The following CNTNAP2 variants were observed in gnomAD, a reference collection of about 807,000 sequenced individuals.
CNTNAP2 encodes the protein contactin associated protein 2.
In CNTNAP2, 98 loss-of-function variants were observed where a neutral mutation model predicts 155.2. That is an observed-to-expected ratio of 0.63 (90% confidence interval 0.54 to 0.75). The LOEUF (loss-of-function observed/expected upper bound fraction) is 0.75, where lower values mean the gene tolerates loss of function less well. CNTNAP2 is among the 30% of genes least tolerant of loss of function. The pLI is 0.00. For missense variants in CNTNAP2, 1,727 were observed against 1,688.1 expected (o/e 1.02, Z -0.40); for synonymous variants, 651 against 631.2 (o/e 1.03, Z -0.47).
intron 13 of CNTNAP2, among the ~76,000 whole-genome samples, chr7:147,722,999 C>G (rs1796587287): frequency 6.6e-6 from 1 of 152,048 alleles, no homozygotes; most frequent in Non-Finnish European, 1.5e-5. Context: ...AGATTTCTAG[C>G]TCTAGAGAGA....
At chr7:147,416,228 G>A (rs1039466777) in intron 10 of CNTNAP2, among the ~76,000 whole-genome samples, 6 of 152,054 alleles carry the variant, frequency 3.9e-5, no homozygotes, top group African/African-American at 9.7e-5. Flanking sequence ...GTGGCCACAG[G>A]GACTATTTCA....
At chr7:147,391,387 A>G (rs908723814) in intron 9 of CNTNAP2, among the ~76,000 whole-genome samples, 3 of 151,966 alleles carry the variant, frequency 2.0e-5, no homozygotes, top group Admixed American at 6.6e-5. Context: ...GAGGTTGTCT[A>G]TGTTTACAGC....
In CNTNAP2 at chr7:147,029,935, T is replaced by C. The variant is rs545811256; in HGVS notation, c.403-13972T>C. On this transcript the variant is annotated intron_variant, in intron 3 of 23. Coordinates refer to ENST00000361727, the MANE Select transcript of CNTNAP2 (RefSeq NM_014141.6). ...TTATAAAAAGCTCTTGGTTCCACAT[T>C]CAGAAAAATATTTTATCCCAAGTAC... Among the ~76,000 whole-genome samples the C allele has an allele frequency of 2.4e-3, 360 of 152,336 alleles. 3 individuals carry two copies. Among genetic ancestry groups the C allele is most frequent in the African/African-American group, 7.7e-3 (322 of 41,572 alleles).
chr7:147,426,002 C>T (rs1206018277), intron 10 of CNTNAP2, among the ~76,000 whole-genome samples: 2 of 152,060 alleles, frequency 1.3e-5, no homozygotes, highest in African/African-American at 2.4e-5. Flanking sequence ...AGTTCTATGT[C>T]ATTTCCCATG....
chr7:146,355,949 T>C (rs1195791767), intron 1 of CNTNAP2, among the ~76,000 whole-genome samples: 1 of 152,028 alleles, frequency 6.6e-6, no homozygotes, highest in Non-Finnish European at 1.5e-5. Context: ...TTCTTACACA[T>C]ACAGCTTCTC....
At chr7:146,754,558 C>G (rs1010884654) in intron 1 of CNTNAP2, among the ~76,000 whole-genome samples, 30 of 141,982 alleles carry the variant, frequency 2.1e-4, no homozygotes, top group African/African-American at 7.3e-4. Flanking sequence ...CTCTCTGTCT[C>G]TCTCTCTCTC....
intron 8 of CNTNAP2, among the ~76,000 whole-genome samples, chr7:147,298,703 C>T (rs1243749104): frequency 6.6e-6 from 1 of 152,206 alleles, no homozygotes; most frequent in Non-Finnish European, 1.5e-5. Context: ...TCCAGTGCAG[C>T]TGACTCTTGA....
At chr7:146,210,846 T>C (rs1799023683) in intron 1 of CNTNAP2, among the ~76,000 whole-genome samples, 1 of 151,914 alleles carries the variant, frequency 6.6e-6, no homozygotes, top group Admixed American at 6.6e-5. Context: ...CATTTTTTTT[T>C]TTTTCGTGGT....
chr7:146,526,256 G>T (rs1338515787), intron 1 of CNTNAP2, among the ~76,000 whole-genome samples: 2 of 152,046 alleles, frequency 1.3e-5, no homozygotes, highest in South Asian at 2.1e-4. Context: ...TTAAACTTTT[G>T]CCTGGTACAT....
At chr7:148,119,934 T>TC (rs1804565047) in intron 16 of CNTNAP2, among the ~76,000 whole-genome samples, 1 of 151,554 alleles carries the variant, frequency 6.6e-6, no homozygotes, top group Admixed American at 6.6e-5. Flanking sequence ...TTAATTAAAA[T>TC]CCCCCCTTTA....
chr7:146,824,715 T>C (rs935054819), intron 2 of CNTNAP2, among the ~76,000 whole-genome samples: 1 of 152,138 alleles, frequency 6.6e-6, no homozygotes, highest in Non-Finnish European at 1.5e-5. Context: ...CTTTTTGTTA[T>C]AATATGTTAC....
At chr7:147,059,033 G>A (rs534405908) in intron 4 of CNTNAP2, among the ~76,000 whole-genome samples, 1 of 152,216 alleles carries the variant, frequency 6.6e-6, no homozygotes, top group South Asian at 2.1e-4. Context: ...GATGTGCTTA[G>A]CAATCCCAAA....
chr7:146,395,939 A>G (rs1205834072), intron 1 of CNTNAP2, among the ~76,000 whole-genome samples: 8 of 143,920 alleles, frequency 5.6e-5, no homozygotes, highest in South Asian at 2.1e-4. Flanking sequence ...GACCACTAAG[A>G]TTTTAAGTTG....
chr7:146,209,892 A>G (rs1164526138), intron 1 of CNTNAP2, among the ~76,000 whole-genome samples: 1 of 152,174 alleles, frequency 6.6e-6, no homozygotes, highest in Non-Finnish European at 1.5e-5. Context: ...GCGTTGCGTG[A>G]GTTGTCGAGG....
At chr7:146,381,944 C>T (rs377139071) in intron 1 of CNTNAP2, among the ~76,000 whole-genome samples, 1 of 152,092 alleles carries the variant, frequency 6.6e-6, no homozygotes, top group African/African-American at 2.4e-5. Flanking sequence ...CTCATCCTTC[C>T]CTGATTAAGG....
At chr7:146,684,954 A>C (rs1170130272) in intron 1 of CNTNAP2, among the ~76,000 whole-genome samples, 2 of 152,170 alleles carry the variant, frequency 1.3e-5, no homozygotes, top group Non-Finnish European at 2.9e-5. Flanking sequence ...CACAGATTTT[A>C]AAATGTTACA....
Position 146,939,461 on chromosome 7 carries a change from TTTAC to T in CNTNAP2, c.402+99560_402+99563del, listed in dbSNP as rs1352099364. ...CATTAAAACTTCGGGTTTTTTTATT[TTTAC>T]TTCTTTCTCTGAAATATCTTTTCCA... On this transcript the variant is annotated intron_variant, in intron 3 of 23. Coordinates refer to ENST00000361727, the MANE Select transcript of CNTNAP2 (RefSeq NM_014141.6). 3.9e-5 allele frequency among the ~76,000 whole-genome samples: 6 copies of T among 152,236 alleles called. No individual in the cohort carries two copies. In the East Asian group the frequency reaches 1.2e-3, roughly 29 times the overall value.
chr7:147,767,404 C>T (rs1032134252), intron 13 of CNTNAP2, among the ~76,000 whole-genome samples: 15 of 151,998 alleles, frequency 9.9e-5, no homozygotes, highest in Non-Finnish European at 1.6e-4. Flanking sequence ...CATATAATTT[C>T]CTAAGGTACA....
In CNTNAP2 at chr7:147,658,256, CAAAAAAA is replaced by C. The variant is rs11358943; in HGVS notation, c.2098+18963_2098+18969del. On this transcript the variant is annotated intron_variant, in intron 13 of 23. Coordinates refer to ENST00000361727, the MANE Select transcript of CNTNAP2 (RefSeq NM_014141.6). ...TGGGAGACAGAGCGAGACTCCGTCC[CAAAAAAA>C]AAAAAAAAAAAAGATAGCCGACCTT... Among the ~76,000 whole-genome samples, 5 of 95,374 alleles carry C rather than the reference CAAAAAAA, an allele frequency of 5.2e-5. 1 individual carries two copies. Among genetic ancestry groups the C allele is most frequent in the Non-Finnish European group, 1.1e-4 (5 of 43,978 alleles). 62.6% of individuals were successfully genotyped at this position (95,374 alleles called of 152,430 possible).
Sources: gnomAD v4.1 joint callset for allele counts (sites outside exome capture counted in the v4.1 genomes callset) on GRCh38, gnomAD v4.1.1 for gene constraint, MANE v1.5 for transcripts, NCBI Gene and HGNC (gene_info 2026-07-23, HGNC 2026-07-21) for gene names.